The following PAWR variants were observed in gnomAD, a reference collection of about 807,000 sequenced individuals.
PAWR encodes pro-apoptotic WT1 regulator.
In PAWR, 23 loss-of-function variants were observed where a neutral mutation model predicts 32.0. That is an observed-to-expected ratio of 0.72 (90% CI 0.52 to 1.02). The LOEUF (loss-of-function observed/expected upper bound fraction) is 1.02, where lower values mean the gene tolerates loss of function less well. Among genes scored for constraint, PAWR ranks in the 50% least tolerant of loss-of-function variants. The pLI, the probability that PAWR is intolerant of heterozygous loss-of-function variation, is 0.00. For synonymous variants in PAWR, 226 were observed against 187.1 expected, an observed-to-expected ratio of 1.21 and a Z score of -1.70; for missense variants, 457 against 437.7, an observed-to-expected ratio of 1.04 and a Z score of -0.39.
intron 2 of PAWR, among the ~76,000 whole-genome samples, chr12:79,688,841 CA>C (rs1259723305): frequency 6.6e-6 from 1 of 152,112 alleles, no homozygotes; most frequent in Non-Finnish European, 1.5e-5. Context: ...GTAGTTGAAC[CA>C]CTTCCTCAAA....
chr12:79,627,797 G>C (rs1875414909), intron 2 of PAWR, among the ~76,000 whole-genome samples: 1 of 152,108 alleles, frequency 6.6e-6, no homozygotes, highest in Non-Finnish European at 1.5e-5. Flanking sequence ...GGAGCACCCA[G>C]ATTCATAAAG....
At chr12:79,648,249 A>G (rs1047106582) in intron 2 of PAWR, among the ~76,000 whole-genome samples, 5 of 152,130 alleles carry the variant, frequency 3.3e-5, no homozygotes, top group African/African-American at 1.2e-4. Flanking sequence ...ATGGTCAATA[A>G]ATTAGATTTG....
intron 2 of PAWR, among the ~76,000 whole-genome samples, chr12:79,641,577 G>A (rs530529192): frequency 8.5e-5 from 13 of 152,096 alleles, no homozygotes; most frequent in South Asian, 2.1e-4. Context: ...GGCCAGGCGC[G>A]GTGGCTCACG....
chr12:79,649,397 T>C (rs1438700861), intron 2 of PAWR, among the ~76,000 whole-genome samples: 2 of 152,070 alleles, frequency 1.3e-5, no homozygotes, highest in Non-Finnish European at 2.9e-5. Context: ...CAAAAACATA[T>C]ATGTCAAGGA....
intron 2 of PAWR, among the ~76,000 whole-genome samples, chr12:79,628,853 T>A (rs1875470300): frequency 6.6e-6 from 1 of 152,080 alleles, no homozygotes; most frequent in South Asian, 2.1e-4. Context: ...GTAAAATGTA[T>A]GGCAATGGCA....
At chr12:79,660,822 G>T (rs1046386969) in intron 2 of PAWR, among the ~76,000 whole-genome samples, 1 of 151,730 alleles carries the variant, frequency 6.6e-6, no homozygotes, top group Non-Finnish European at 1.5e-5. Flanking sequence ...GAACTGAGCT[G>T]ATCCACCTGC....
At chr12:79,673,957 T>C (rs761861465) in intron 2 of PAWR, among the ~76,000 whole-genome samples, 1 of 152,082 alleles carries the variant, frequency 6.6e-6, no homozygotes, top group Non-Finnish European at 1.5e-5. Context: ...AGAATCAGTA[T>C]TGTTAAGATG....
At chr12:79,664,904 ACATT>A (rs1877531835) in intron 2 of PAWR, among the ~76,000 whole-genome samples, 1 of 152,214 alleles carries the variant, frequency 6.6e-6, no homozygotes, top group Non-Finnish European at 1.5e-5. Flanking sequence ...AATGTAGTGA[ACATT>A]CAGTCACTGC....
At chr12:79,673,765 A>G (rs1248394204) in intron 2 of PAWR, among the ~76,000 whole-genome samples, 1 of 152,212 alleles carries the variant, frequency 6.6e-6, no homozygotes, top group Non-Finnish European at 1.5e-5. Flanking sequence ...GCACTTCACA[A>G]GGTTAAATTC....
chr12:79,598,095 T>G (rs565470178), intron 4 of PAWR: 1 of 152,372 alleles, frequency 6.6e-6, no homozygotes, highest in South Asian at 2.1e-4. Context: ...AGACAGAAGC[T>G]GCAGTGTCGG....
At chr12:79,649,746 C>A (rs539386119) in intron 2 of PAWR, among the ~76,000 whole-genome samples, 1 of 151,986 alleles carries the variant, frequency 6.6e-6, no homozygotes, top group Non-Finnish European at 1.5e-5. Context: ...GCTATGATTG[C>A]GCCAAGGGAC....
chr12:79,679,961 T>G (rs8176815), intron 2 of PAWR, among the ~76,000 whole-genome samples: 1 of 152,328 alleles, frequency 6.6e-6, no homozygotes, highest in African/African-American at 2.4e-5. Context: ...CTTTCCTCTA[T>G]GTCATTACTT....
chr12:79,598,141 C>T lies in PAWR; in HGVS notation c.684-1483G>A, dbSNP rs375774033. Among the ~76,000 whole-genome samples the T allele has an allele frequency of 7.2e-5, 11 of 152,326 alleles. 1 individual carries two copies. Among genetic ancestry groups the T allele is most frequent in the Admixed American group, 3.9e-4 (6 of 15,290 alleles). On this transcript the variant is annotated intron_variant, in intron 4 of 6. Coordinates refer to ENST00000328827, the MANE Select transcript of PAWR (RefSeq NM_002583.4). Reference sequence around the variant, plus strand: ...ACCTCAAAAGTGACATACTATCACACTGACCTTATTCTATTGTTCACACAT... The same window carrying T: ...ACCTCAAAAGTGACATACTATCACATTGACCTTATTCTATTGTTCACACAT...
chr12:79,684,061 T>C (rs1878569052), intron 2 of PAWR, among the ~76,000 whole-genome samples: 1 of 151,838 alleles, frequency 6.6e-6, no homozygotes, highest in Non-Finnish European at 1.5e-5. Context: ...AAGATGAAAA[T>C]ATAAAAGCAC....
chr12:79,670,161 G>GC (rs1555178114), intron 2 of PAWR, among the ~76,000 whole-genome samples: 1 of 152,064 alleles, frequency 6.6e-6, no homozygotes, highest in African/African-American at 2.4e-5. Flanking sequence ...TGTTTCTATT[G>GC]TTTTTCCCCC....
chr12:79,681,504 A>G (rs898485904), intron 2 of PAWR, among the ~76,000 whole-genome samples: 5 of 152,326 alleles, frequency 3.3e-5, no homozygotes, highest in South Asian at 4.1e-4. Flanking sequence ...TTTTGAAGTT[A>G]TAGAATAACA....
chr12:79,608,153 T>A (rs1874270343), intron 4 of PAWR, among the ~76,000 whole-genome samples: 1 of 152,156 alleles, frequency 6.6e-6, no homozygotes, highest in African/African-American at 2.4e-5. Flanking sequence ...CTAAATAAAT[T>A]ATTCATCTCT....
At chr12:79,602,519 C>T (rs767386895) in intron 4 of PAWR, among the ~76,000 whole-genome samples, 8 of 151,902 alleles carry the variant, frequency 5.3e-5, no homozygotes, top group Non-Finnish European at 7.4e-5. Context: ...CAATGAGATA[C>T]TCAGAAGATA....
Position 79,592,444 on chromosome 12 carries a change from A to G in PAWR, c.*163T>C, listed in dbSNP as rs1350544014. 1 of 507,204 alleles carries G rather than the reference A, an allele frequency of 2.0e-6. No individual in the cohort carries two copies. Among genetic ancestry groups the G allele is most frequent in the Non-Finnish European group, 3.4e-6 (1 of 293,296 alleles). 31.4% of individuals were successfully genotyped at this position (507,204 alleles called of 1,614,324 possible). A position where few individuals can be genotyped will look rare whatever the true frequency, so the allele number is the denominator to read the frequency against. On this transcript the variant is annotated 3_prime_UTR_variant, in exon 7 of 7. Transcript: ENST00000328827. ...AGGATAATGCTTTTTTAAAACCAAT[A>G]ATGAAAAAGAAGTATTTTGAAAACA...
Sources: gnomAD v4.1 joint callset for allele counts (sites outside exome capture counted in the v4.1 genomes callset) on GRCh38, gnomAD v4.1.1 for gene constraint, MANE v1.5 for transcripts, NCBI Gene and HGNC (gene_info 2026-07-23, HGNC 2026-07-21) for gene names.